Variants in CREB5 observed in about 807,000 individuals in gnomAD.
CREB5 encodes cyclic AMP-responsive element-binding protein 5.
CREB5 carries 19 observed loss-of-function variants against 57.1 expected under a neutral mutation model. The ratio of observed to expected loss-of-function variants is 0.33; its 90% confidence interval spans 0.23 to 0.49. The LOEUF (loss-of-function observed/expected upper bound fraction) is 0.49. CREB5 is among the 20% of genes least tolerant of loss of function. The probability of loss-of-function intolerance (pLI) is 0.99; values close to 1 mark genes in which losing one functional copy is unlikely to be tolerated. For synonymous variants in CREB5, 238 were observed against 238.3 expected (o/e 1.00, Z 0.01); for missense variants, 579 against 671.6 (o/e 0.86, Z 1.52).
At chr7:28,737,573 AT>A (rs34745734) in intron 7 of CREB5, among the ~76,000 whole-genome samples, 3,359 of 52,240 alleles carry the variant, frequency 0.064, 181 homozygotes, top group African/African-American at 0.083. Context: ...ATATATATAT[AT>A]ATATATATAT....
At chr7:28,538,051 G>GTTTTGTTTT (rs1794040702) in intron 4 of CREB5, among the ~76,000 whole-genome samples, 1 of 151,828 alleles carries the variant, frequency 6.6e-6, no homozygotes, top group Admixed American at 6.6e-5. Context: ...TTATCGTTTT[G>GTTTTGTTTT]TTTTGTTTTT....
At chr7:28,576,431 T>C (rs1795913595) in intron 5 of CREB5, among the ~76,000 whole-genome samples, 1 of 152,186 alleles carries the variant, frequency 6.6e-6, no homozygotes, top group South Asian at 2.1e-4. Flanking sequence ...AAACAGAGTT[T>C]TGAATATGGG....
At chr7:28,615,882 C>G (rs1467053572) in intron 5 of CREB5, 1 of 152,170 alleles carries the variant, frequency 6.6e-6, no homozygotes, top group Non-Finnish European at 1.5e-5. Context: ...ATTACAGGGC[C>G]CCGGAGTAGC....
chr7:28,730,672 A>T (rs1803565921), intron 7 of CREB5, among the ~76,000 whole-genome samples: 1 of 152,176 alleles, frequency 6.6e-6, no homozygotes, highest in South Asian at 2.1e-4. Context: ...TTAGTAGAGC[A>T]CTTTACAAAT....
chr7:28,483,365 C>A (rs564312859), intron 1 of CREB5, among the ~76,000 whole-genome samples: 190 of 152,226 alleles, frequency 1.2e-3, no homozygotes, highest in African/African-American at 4.3e-3. Flanking sequence ...CAGTGGCAGT[C>A]GAGGGTTTGA....
intron 1 of CREB5, among the ~76,000 whole-genome samples, chr7:28,466,626 A>G (rs1157764196): frequency 1.3e-5 from 2 of 152,114 alleles, no homozygotes; most frequent in East Asian, 1.9e-4. Flanking sequence ...ATTTCCAAAC[A>G]AGTACTCCTG....
At chr7:28,519,006 G>A (rs1361483174) in intron 4 of CREB5, among the ~76,000 whole-genome samples, 1 of 152,144 alleles carries the variant, frequency 6.6e-6, no homozygotes, top group Admixed American at 6.5e-5. Flanking sequence ...TCCTAGGTAG[G>A]GGTTGTTAGA....
intron 1 of CREB5, among the ~76,000 whole-genome samples, chr7:28,375,216 T>C (rs1786797486): frequency 6.6e-6 from 1 of 152,222 alleles, no homozygotes; most frequent in Non-Finnish European, 1.5e-5. Flanking sequence ...TGTTTGGTTA[T>C]GGGAAATCTA....
chr7:28,664,214 T>G (rs746652852), intron 5 of CREB5, among the ~76,000 whole-genome samples: 2 of 152,186 alleles, frequency 1.3e-5, no homozygotes, highest in African/African-American at 4.8e-5. Context: ...AAAAACAAGT[T>G]GAACAGTGAT....
chr7:28,800,879 C>CT (rs1808324282), intron 7 of CREB5, among the ~76,000 whole-genome samples: 1 of 152,214 alleles, frequency 6.6e-6, no homozygotes, highest in Non-Finnish European at 1.5e-5. Context: ...TCATTTCTCT[C>CT]TTTGGCAAAG....
At chr7:28,658,953 G>GTATATATATATATATATATGTGTA (rs1554281549) in intron 5 of CREB5, among the ~76,000 whole-genome samples, 17 of 99,602 alleles carry the variant, frequency 1.7e-4, no homozygotes, top group African/African-American at 5.6e-4. Context: ...GTGTGTGTGT[G>GTATATATATATATATATATGTGTA]TATATATATA....
intron 1 of CREB5, among the ~76,000 whole-genome samples, chr7:28,459,404 C>A (rs1294247609): frequency 6.6e-6 from 1 of 152,152 alleles, no homozygotes; most frequent in African/African-American, 2.4e-5. Flanking sequence ...TTGCAAAGAC[C>A]TCCTAGAAAA....
intron 1 of CREB5, among the ~76,000 whole-genome samples, chr7:28,466,673 C>T (rs1790585617): frequency 6.6e-6 from 1 of 152,126 alleles, no homozygotes; most frequent in African/African-American, 2.4e-5. Context: ...TCTGACTTTT[C>T]TCGGTTCAAG....
intron 5 of CREB5, among the ~76,000 whole-genome samples, chr7:28,694,575 C>A (rs4719947): frequency 0.63 from 95,163 of 151,998 alleles, 30,293 homozygotes; most frequent in Admixed American, 0.69. Flanking sequence ...TTTTCTTTAG[C>A]GACAGGGTCT....
chr7:28,729,236 T>C (rs6946419), intron 7 of CREB5, among the ~76,000 whole-genome samples: 51,630 of 152,028 alleles, frequency 0.34, 9,157 homozygotes, highest in Middle Eastern at 0.4. Flanking sequence ...CGAGGCCCAC[T>C]AAAGATTTAG....
intron 1 of CREB5, among the ~76,000 whole-genome samples, chr7:28,433,600 T>A (rs1257423419): frequency 6.6e-6 from 1 of 152,260 alleles, no homozygotes; most frequent in Middle Eastern, 3.4e-3. Flanking sequence ...GCCTCTTGAG[T>A]AGCTGGGATT....
intron 5 of CREB5, among the ~76,000 whole-genome samples, chr7:28,628,188 C>T (rs184206542): frequency 2.6e-5 from 4 of 151,998 alleles, no homozygotes; most frequent in African/African-American, 7.2e-5. Context: ...TCATATCTCT[C>T]GTCAGTCTTT....
chr7:28,548,793 T>A (rs551809351), intron 4 of CREB5, among the ~76,000 whole-genome samples: 50 of 152,346 alleles, frequency 3.3e-4, no homozygotes, highest in African/African-American at 1.2e-3. Flanking sequence ...TTATTAATTT[T>A]CTGTATCAGT....
At position 28,784,272 on chromosome 7, in the gene CREB5, T is replaced by C. The variant is rs528232444; in HGVS notation, c.703-19927T>C. Reference sequence around the variant, plus strand: ...AGAGACAGCTTGACACAGGAATCCTTTGGCTTCTCACTGCCCCTGCTGACC... The same window carrying C: ...AGAGACAGCTTGACACAGGAATCCTCTGGCTTCTCACTGCCCCTGCTGACC... On this transcript the variant is annotated intron_variant, in intron 7 of 10. Coordinates refer to ENST00000357727, the MANE Select transcript of CREB5 (RefSeq NM_182898.4). Among the ~76,000 whole-genome samples the C allele has an allele frequency of 3.3e-5, 5 of 152,308 alleles. No individual in the cohort carries two copies. The East Asian group carries it at 9.7e-4, about 29-fold the overall frequency.
Sources: gnomAD v4.1 joint callset for allele counts (sites outside exome capture counted in the v4.1 genomes callset) on GRCh38, gnomAD v4.1.1 for gene constraint, MANE v1.5 for transcripts, NCBI Gene and HGNC (gene_info 2026-07-23, HGNC 2026-07-21) for gene names.